RBFOX1: variants seen among roughly 807,000 people sequenced by gnomAD.
RBFOX1 encodes RNA binding protein fox-1 homolog 1.
RBFOX1 carries 8 observed loss-of-function variants against 57.7 expected under a neutral mutation model. The observed-to-expected ratio is 0.14, with a 90% CI of 0.08 to 0.25. The LOEUF (loss-of-function observed/expected upper bound fraction) is 0.25. Ranked by LOEUF, RBFOX1 falls within the 10% of genes least tolerant of loss-of-function variation. The pLI is 1.00. For synonymous variants in RBFOX1, 326 were observed against 222.4 expected, an observed-to-expected ratio of 1.47 and a Z score of -4.15; for missense variants, 611 against 548.5, an observed-to-expected ratio of 1.11 and a Z score of -1.14.
chr16:7,165,422 T>TAATA (rs2079258232), intron 4 of RBFOX1, among the ~76,000 whole-genome samples: 1 of 57,036 alleles, frequency 1.8e-5, no homozygotes, highest in Non-Finnish European at 4.1e-5. Context: ...TAATAATCAT[T>TAATA]ATTATTATTA....
intron 2 of RBFOX1, among the ~76,000 whole-genome samples, chr16:6,550,897 G>C (rs1272933713): frequency 1.3e-5 from 2 of 152,184 alleles, no homozygotes; most frequent in African/African-American, 4.8e-5. Flanking sequence ...AAGTCTAAAG[G>C]AGGGTGTGAA....
At chr16:6,943,772 C>T (rs549842706) in intron 3 of RBFOX1, among the ~76,000 whole-genome samples, 2 of 151,608 alleles carry the variant, frequency 1.3e-5, no homozygotes, top group Non-Finnish European at 2.9e-5. Flanking sequence ...ATCCCAGCAG[C>T]TGAACTTCAA....
At chr16:7,026,589 G>C (rs1304662190) in intron 3 of RBFOX1, among the ~76,000 whole-genome samples, 1 of 152,066 alleles carries the variant, frequency 6.6e-6, no homozygotes, top group Admixed American at 6.6e-5. Flanking sequence ...GGCAGCTGTG[G>C]CGTTTCTGCA....
intron 3 of RBFOX1, among the ~76,000 whole-genome samples, chr16:5,689,601 A>C (rs1363463318): frequency 1.3e-5 from 2 of 152,198 alleles, no homozygotes; most frequent in Non-Finnish European, 2.9e-5. Flanking sequence ...TGTCCTCTGC[A>C]GAGACTGGAG....
At chr16:5,993,495 G>C (rs1386111575) in intron 4 of RBFOX1, among the ~76,000 whole-genome samples, 3 of 152,002 alleles carry the variant, frequency 2.0e-5, no homozygotes, top group African/African-American at 7.2e-5. Context: ...GGTGAAGGAG[G>C]CAGAAAATAC....
chr16:5,599,014 C>T (rs1306350204), exon 3 of RBFOX1: 4 of 1,396,334 alleles, frequency 2.9e-6, no homozygotes, highest in Non-Finnish European at 3.9e-6. Context: ...ACTTTTGCAT[C>T]CTTTTCAGCC....
chr16:6,863,201 A>G (rs2059317463), intron 3 of RBFOX1, among the ~76,000 whole-genome samples: 1 of 152,106 alleles, frequency 6.6e-6, no homozygotes, highest in Non-Finnish European at 1.5e-5. Flanking sequence ...ACTTTTTGGA[A>G]TAGAGAAGGA....
intron 1 of RBFOX1, among the ~76,000 whole-genome samples, chr16:5,285,830 G>C (rs547971997): frequency 1.6e-4 from 24 of 152,262 alleles, no homozygotes; most frequent in African/African-American, 5.8e-4. Flanking sequence ...GGAGTGCAGT[G>C]ACATAATCTC....
At chr16:6,050,077 G>A (rs1269391423) in intron 1 of RBFOX1, among the ~76,000 whole-genome samples, 4 of 151,274 alleles carry the variant, frequency 2.6e-5, no homozygotes, top group Admixed American at 1.3e-4. Flanking sequence ...TCCTCCCTCA[G>A]CTTCCTGAGT....
chr16:6,962,164 T>G (rs546009120), intron 3 of RBFOX1, among the ~76,000 whole-genome samples: 94 of 152,244 alleles, frequency 6.2e-4, no homozygotes, highest in African/African-American at 2.2e-3. Context: ...CCTTTCTACT[T>G]CCAAATGCTC....
chr16:6,458,344 T>C (rs1284319452), intron 2 of RBFOX1, among the ~76,000 whole-genome samples: 1 of 152,230 alleles, frequency 6.6e-6, no homozygotes, highest in African/African-American at 2.4e-5. Context: ...GGTTTCACCT[T>C]GGAAAAGACA....
intron 2 of RBFOX1, among the ~76,000 whole-genome samples, chr16:6,455,294 A>T (rs184198932): frequency 1.5e-4 from 23 of 152,184 alleles, no homozygotes; most frequent in Admixed American, 1.1e-3. Context: ...GAACAACCTA[A>T]CCACGATGTA....
At chr16:7,288,945 A>G (rs900977948) in intron 4 of RBFOX1, among the ~76,000 whole-genome samples, 2 of 152,202 alleles carry the variant, frequency 1.3e-5, no homozygotes, top group African/African-American at 4.8e-5. Flanking sequence ...TTGTCTGGTG[A>G]GAGGCAGGGG....
intron 2 of RBFOX1, among the ~76,000 whole-genome samples, chr16:6,614,855 C>G (rs1420677823): frequency 6.6e-6 from 1 of 152,202 alleles, no homozygotes; most frequent in East Asian, 1.9e-4. Flanking sequence ...CTAATCACTT[C>G]TATTAATAAA....
intron 5 of RBFOX1, among the ~76,000 whole-genome samples, chr16:7,536,957 G>A (rs1355322185): frequency 6.6e-6 from 1 of 152,180 alleles, no homozygotes; most frequent in Non-Finnish European, 1.5e-5. Context: ...CTGTGTGGAC[G>A]GGCAGGGGGA....
intron 3 of RBFOX1, among the ~76,000 whole-genome samples, chr16:5,847,728 G>A (rs889432930): frequency 2.6e-5 from 4 of 152,046 alleles, no homozygotes; most frequent in African/African-American, 4.8e-5. Flanking sequence ...GGTCTGGACT[G>A]GTGTTCCACA....
chr16:6,114,921 C>A (rs970332962), intron 1 of RBFOX1, among the ~76,000 whole-genome samples: 1 of 152,226 alleles, frequency 6.6e-6, no homozygotes, highest in African/African-American at 2.4e-5. Flanking sequence ...CTATTCACAA[C>A]TATATTTACA....
chr16:5,800,653 C>T (rs143351159), intron 3 of RBFOX1, among the ~76,000 whole-genome samples: 11 of 152,226 alleles, frequency 7.2e-5, no homozygotes, highest in South Asian at 4.2e-4. Flanking sequence ...CCTAGTTTCA[C>T]GGTGACACTG....
intron 2 of RBFOX1, among the ~76,000 whole-genome samples, chr16:6,359,947 C>T (rs963961871): frequency 3.9e-5 from 6 of 152,052 alleles, no homozygotes; most frequent in African/African-American, 1.5e-4. Flanking sequence ...GATCTATGTC[C>T]TCCGTGATTT....
Sources: allele counts gnomAD v4.1 joint callset (sites outside exome capture counted in the v4.1 genomes callset), GRCh38; gene constraint gnomAD v4.1.1; transcripts MANE v1.5; gene names NCBI Gene and HGNC (gene_info 2026-07-23, HGNC 2026-07-21).